C7orf78: variants seen among roughly 807,000 people sequenced by gnomAD.
C7orf78 encodes putative uncharacterized protein C7orf78.
chr7:12,497,362 G>C, the C7orf78 span, among the ~76,000 whole-genome samples: 1 of 152,234 alleles, frequency 6.6e-6, no homozygotes, highest in Admixed American at 6.5e-5. Flanking sequence ...AGGTCAGTGA[G>C]TGCGCACACC....
chr7:12,503,000 G>A, the C7orf78 span, among the ~76,000 whole-genome samples: 1 of 146,746 alleles, frequency 6.8e-6, no homozygotes, highest in Non-Finnish European at 1.5e-5. Context: ...ACCAAACACT[G>A]CATATTCTCA....
the C7orf78 span, among the ~76,000 whole-genome samples, chr7:12,518,239 G>A: frequency 6.6e-6 from 1 of 152,188 alleles, no homozygotes; most frequent in African/African-American, 2.4e-5. Flanking sequence ...TCAGTCTTCA[G>A]GCCCAAGTGG....
chr7:12,512,415 C>T, the C7orf78 span, among the ~76,000 whole-genome samples: 2 of 152,086 alleles, frequency 1.3e-5, no homozygotes, highest in Admixed American at 6.6e-5. Flanking sequence ...GGAATTTTAT[C>T]AAATTCTTTT....
chr7:12,492,017 A>G, the C7orf78 span: 1 of 152,186 alleles, frequency 6.6e-6, no homozygotes, highest in East Asian at 1.9e-4. Flanking sequence ...AAGAAGAACA[A>G]TGTGAACTAT....
the C7orf78 span, among the ~76,000 whole-genome samples, chr7:12,515,110 G>A: frequency 3.9e-5 from 6 of 152,122 alleles, no homozygotes; most frequent in South Asian, 4.1e-4. Flanking sequence ...CTGTGCCTTC[G>A]CTAACACTAT....
chr7:12,530,254 A>G, the C7orf78 span: 1 of 152,148 alleles, frequency 6.6e-6, no homozygotes, highest in South Asian at 2.1e-4. Context: ...CTTCAGAGAC[A>G]ATAGATGTGG....
the C7orf78 span, among the ~76,000 whole-genome samples, chr7:12,493,553 T>C: frequency 6.6e-6 from 1 of 152,194 alleles, no homozygotes; most frequent in Non-Finnish European, 1.5e-5. Flanking sequence ...GAGTTTCCAA[T>C]GATACTCATG....
At chr7:12,509,612 C>A in the C7orf78 span, among the ~76,000 whole-genome samples, 3 of 152,126 alleles carry the variant, frequency 2.0e-5, no homozygotes, top group Non-Finnish European at 2.9e-5. Context: ...ATTCTCATAA[C>A]CCCCTCTCAC....
At chr7:12,532,078 T>C in the C7orf78 span, among the ~76,000 whole-genome samples, 1 of 152,192 alleles carries the variant, frequency 6.6e-6, no homozygotes, top group African/African-American at 2.4e-5. Flanking sequence ...ACTGTACATG[T>C]GGCTGGCAAA....
the C7orf78 span, chr7:12,541,612 G>A: frequency 2.7e-5 from 4 of 150,352 alleles, no homozygotes; most frequent in Non-Finnish European, 5.9e-5. Context: ...TTATTTTCAG[G>A]AATCATAGGA....
the C7orf78 span, among the ~76,000 whole-genome samples, chr7:12,526,791 G>A: frequency 6.6e-6 from 1 of 151,854 alleles, no homozygotes; most frequent in African/African-American, 2.4e-5. Context: ...AACTTTCCTA[G>A]TATATGCTAT....
chr7:12,500,521 C>G, the C7orf78 span, among the ~76,000 whole-genome samples: 3 of 149,968 alleles, frequency 2.0e-5, no homozygotes, highest in Non-Finnish European at 3.0e-5. Flanking sequence ...TCTCCCAAGA[C>G]TAAACCAGGA....
the C7orf78 span, among the ~76,000 whole-genome samples, chr7:12,515,403 G>A: frequency 0.2 from 30,380 of 152,094 alleles, 3,130 homozygotes; most frequent in East Asian, 0.32. Context: ...CAGCCATGTG[G>A]AACTGTAAGT....
At chr7:12,498,263 G>T in the C7orf78 span, among the ~76,000 whole-genome samples, 1 of 152,066 alleles carries the variant, frequency 6.6e-6, no homozygotes, top group African/African-American at 2.4e-5. Flanking sequence ...AGAGAAGAAG[G>T]CTTCGGACGA....
At chr7:12,508,013 C>T in the C7orf78 span, among the ~76,000 whole-genome samples, 1 of 152,158 alleles carries the variant, frequency 6.6e-6, no homozygotes, top group Admixed American at 6.5e-5. Context: ...ATTTTAATCT[C>T]AGTCTACATC....
chr7:12,483,797 G>C, the C7orf78 span: 1 of 148,522 alleles, frequency 6.7e-6, no homozygotes, highest in Admixed American at 7.1e-5. Flanking sequence ...AGAATTGCTT[G>C]AAACCAGAAG....
At chr7:12,514,232 G>A in the C7orf78 span, among the ~76,000 whole-genome samples, 2 of 152,030 alleles carry the variant, frequency 1.3e-5, no homozygotes, top group African/African-American at 4.8e-5. Context: ...GTGCTCCAGT[G>A]TTGGGTGCAC....
chr7:12,521,772 G>T, the C7orf78 span, among the ~76,000 whole-genome samples: 1 of 146,606 alleles, frequency 6.8e-6, no homozygotes, highest in Non-Finnish European at 1.5e-5. Flanking sequence ...TATTTTATTT[G>T]TTCCCTTTTC....
At chr7:12,514,132 C>T in the C7orf78 span, among the ~76,000 whole-genome samples, 1 of 152,106 alleles carries the variant, frequency 6.6e-6, no homozygotes, top group African/African-American at 2.4e-5. Context: ...CTGTCTAATG[C>T]TCAGAGTGGG....
Sources: gnomAD v4.1 joint callset for allele counts (sites outside exome capture counted in the v4.1 genomes callset) on GRCh38, gnomAD v4.1.1 for gene constraint, MANE v1.5 for transcripts, NCBI Gene and HGNC (gene_info 2026-07-23, HGNC 2026-07-21) for gene names.